Variants in ACTR3 observed in about 807,000 individuals in gnomAD.
The protein encoded by ACTR3 is actin related protein 3, also known as actin-related protein 3.
A neutral mutation model predicts 56.8 loss-of-function variants in ACTR3; 12 were observed. That is an observed-to-expected ratio of 0.21 (90% CI 0.14 to 0.34). The LOEUF (loss-of-function observed/expected upper bound fraction) is 0.34, where lower values mean the gene tolerates loss of function less well. Among genes scored for constraint, ACTR3 ranks in the 10% least tolerant of loss-of-function variants. The pLI is 1.00. For missense variants in ACTR3, 282 were observed against 512.5 expected (o/e 0.55, Z 4.34); for synonymous variants, 162 against 167.4 (o/e 0.97, Z 0.25).
At position 113,959,004 on chromosome 2, in the gene ACTR3, G is replaced by T. The variant is rs926367492; in HGVS notation, c.*1549G>T. The T allele has an allele frequency of 6.6e-6, 1 of 152,014 alleles. No individual in the cohort carries two copies. Among genetic ancestry groups the T allele is most frequent in the Non-Finnish European group, 1.5e-5 (1 of 67,892 alleles). The allele number at this position is 152,014 out of a possible 1,614,324, so 9.4% of individuals were successfully genotyped here. On this transcript the variant is annotated 3_prime_UTR_variant, in exon 12 of 12. Coordinates refer to ENST00000263238, the MANE Select transcript of ACTR3 (RefSeq NM_005721.5). Reference sequence around the variant, plus strand: ...ATCTTCATTCTTTGAGTATGGGATTGTAAAAGACAAACTATATCCTACAGT... The same window carrying T: ...ATCTTCATTCTTTGAGTATGGGATTTTAAAAGACAAACTATATCCTACAGT...
In ACTR3 at chr2:113,890,160, C is replaced by A; in HGVS notation, c.-120C>A. On this transcript the variant is annotated 5_prime_UTR_variant, in exon 1 of 12. Coordinates refer to ENST00000263238, the MANE Select transcript of ACTR3 (RefSeq NM_005721.5). The stretch of plus-strand genomic sequence containing the variant: ...CTGCTTCGGCTTCCCGGCTACCCCC[C>A]GGACGGTGAAGGCGGCCCAGCTGTG... 2.2e-6 allele frequency: 3 copies of A among 1,347,302 alleles called. No homozygotes were observed. The highest frequency in any genetic ancestry group is 3.1e-6 in the Non-Finnish European group (3 of 966,036). 83.5% of individuals were successfully genotyped at this position (1,347,302 alleles called of 1,614,324 possible). A position where few individuals can be genotyped will look rare whatever the true frequency, so the allele number is the denominator to read the frequency against.
At chr2:113,927,781 C>A (rs1679647532) in intron 4 of ACTR3, among the ~76,000 whole-genome samples, 1 of 152,104 alleles carries the variant, frequency 6.6e-6, no homozygotes, top group African/African-American at 2.4e-5. Flanking sequence ...ATTATTATAT[C>A]ATTGGTATTT....
Position 113,916,946 on chromosome 2 carries a change from G to A in ACTR3, c.163G>A (p.Val55Ile), listed in dbSNP as rs1356261245. 4.3e-6 allele frequency: 7 copies of A among 1,611,040 alleles called. No individual in the cohort carries two copies. The highest frequency in any genetic ancestry group is 5.9e-6 in the Non-Finnish European group (7 of 1,178,056). Reference protein sequence around the residue: ...DQAQRRVMKGVDDLDFFIGDE... With the variant: ...DQAQRRVMKGIDDLDFFIGDE... ...AGCTCAAAGGAGGGTGATGAAAGGT[G>A]TTGATGACCTAGACTTCTTCATTGG... Residue 55 changes from valine (V) to isoleucine (I), a missense_variant, in exon 3 of 12, where the codon GTT becomes ATT. Transcript: ENST00000263238.
chr2:113,913,616 C>T (rs528272716), intron 2 of ACTR3, among the ~76,000 whole-genome samples: 1 of 152,076 alleles, frequency 6.6e-6, no homozygotes, highest in Admixed American at 6.5e-5. Context: ...TTGTAGGGCC[C>T]GTATCTGTTG....
chr2:113,922,535 A>G (rs1194000921), intron 3 of ACTR3, among the ~76,000 whole-genome samples: 2 of 152,360 alleles, frequency 1.3e-5, no homozygotes, highest in East Asian at 3.9e-4. Flanking sequence ...TAGGGGCGGC[A>G]TTGACACTCG....
chr2:113,927,108 TA>T (rs1268723730), intron 3 of ACTR3, among the ~76,000 whole-genome samples: 1 of 152,214 alleles, frequency 6.6e-6, no homozygotes, highest in Non-Finnish European at 1.5e-5. Context: ...TAACAGTTTT[TA>T]ACATTTTGAC....
intron 8 of ACTR3, among the ~76,000 whole-genome samples, chr2:113,947,339 A>T (rs1680039590): frequency 6.6e-6 from 1 of 152,226 alleles, no homozygotes; most frequent in South Asian, 2.1e-4. Flanking sequence ...AGCTTAGCTG[A>T]TGCCTTGGCT....
intron 6 of ACTR3, among the ~76,000 whole-genome samples, chr2:113,936,349 T>G (rs6705687): frequency 0.86 from 126,248 of 145,994 alleles, 55,003 homozygotes; most frequent in African/African-American, 0.95. Context: ...TGCTATTCCT[T>G]TTTATTGTTT....
chr2:113,893,243 C>T (rs1421339235), intron 1 of ACTR3, among the ~76,000 whole-genome samples: 5 of 149,270 alleles, frequency 3.3e-5, no homozygotes. Flanking sequence ...TTTTTCTGGG[C>T]GGTGGAAGGG....
rs368027712 is a variant in ACTR3, at chr2:113,897,587, C to T, written c.44+7264C>T. On this transcript the variant is annotated intron_variant, in intron 1 of 11. Coordinates refer to ENST00000263238, the MANE Select transcript of ACTR3 (RefSeq NM_005721.5). Reference sequence around the variant, plus strand: ...TGTCACCCAGGCTAGAGTGCAGTGGCGTGATCTTGGCTTGCTGAAACCTCC... The same window carrying T: ...TGTCACCCAGGCTAGAGTGCAGTGGTGTGATCTTGGCTTGCTGAAACCTCC... Among the ~76,000 whole-genome samples the T allele has an allele frequency of 4.3e-4, 59 of 135,998 alleles. No individual in the cohort carries two copies. The East Asian group carries it at 7.8e-3, about 18-fold the overall frequency. The allele number at this position is 135,998 out of a possible 152,430, so 89.2% of individuals were successfully genotyped here.
intron 6 of ACTR3, among the ~76,000 whole-genome samples, chr2:113,938,680 T>C (rs1280728183): frequency 6.6e-6 from 1 of 152,206 alleles, no homozygotes; most frequent in Non-Finnish European, 1.5e-5. Context: ...TACTTTTTTC[T>C]AGAGGTCCTT....
At chr2:113,896,482 A>T (rs1188614740) in intron 1 of ACTR3, among the ~76,000 whole-genome samples, 2 of 152,256 alleles carry the variant, frequency 1.3e-5, no homozygotes, top group African/African-American at 4.8e-5. Flanking sequence ...TCAAGATTGT[A>T]AGCCTGAGTG....
chr2:113,944,205 G>A (rs1214820854), intron 8 of ACTR3, among the ~76,000 whole-genome samples: 1 of 152,130 alleles, frequency 6.6e-6, no homozygotes, highest in South Asian at 2.1e-4. Context: ...ACTTATCTCA[G>A]TGAGAGGTGA....
chr2:113,948,593 A>C (rs1366169147), intron 8 of ACTR3, among the ~76,000 whole-genome samples: 1 of 152,158 alleles, frequency 6.6e-6, no homozygotes, highest in African/African-American at 2.4e-5. Context: ...GTTGAAATTC[A>C]GTGCTTATGT....
chr2:113,931,519 T>A (rs1679723871), intron 5 of ACTR3, 123 bp downstream of exon 5: 2 of 494,048 alleles, frequency 4.0e-6, no homozygotes, highest in African/African-American at 4.0e-5. Context: ...AAGCATGTTA[T>A]ACTTCTCTCC....
chr2:113,945,396 C>G (rs755027496), intron 8 of ACTR3, among the ~76,000 whole-genome samples: 1 of 152,146 alleles, frequency 6.6e-6, no homozygotes, highest in Non-Finnish European at 1.5e-5. Flanking sequence ...GGAGCTGTTT[C>G]TTGATATGTC....
chr2:113,919,076 A>G (rs75354120), intron 3 of ACTR3, among the ~76,000 whole-genome samples: 332 of 152,354 alleles, frequency 2.2e-3, no homozygotes, highest in Non-Finnish European at 3.9e-3. Context: ...CATTTTGTCT[A>G]TATAATCTTT....
intron 8 of ACTR3, among the ~76,000 whole-genome samples, chr2:113,949,666 A>G (rs1471703978): frequency 1.3e-5 from 2 of 152,066 alleles, no homozygotes; most frequent in East Asian, 3.9e-4. Flanking sequence ...GGGTCAAGCA[A>G]TCCTTTTTCC....
intron 6 of ACTR3, 73 bp from the exon 7 acceptor site, chr2:113,939,886 G>T: frequency 7.1e-7 from 1 of 1,399,444 alleles, no homozygotes; most frequent in South Asian, 1.4e-5. Flanking sequence ...GGTCTTTATT[G>T]GTTCATATTT....
Sources: allele counts gnomAD v4.1 joint callset (sites outside exome capture counted in the v4.1 genomes callset), GRCh38; gene constraint gnomAD v4.1.1; transcripts MANE v1.5; gene names NCBI Gene and HGNC (gene_info 2026-07-23, HGNC 2026-07-21).